PRKD1: variants seen among roughly 807,000 people sequenced by gnomAD.
The protein encoded by PRKD1 is serine/threonine-protein kinase D1.
Under a neutral mutation model 95.9 loss-of-function variants are expected in PRKD1, and 63 were observed. That is an observed-to-expected ratio of 0.66 (90% CI 0.54 to 0.81). The LOEUF (loss-of-function observed/expected upper bound fraction) is 0.81. PRKD1 is among the 30% of genes least tolerant of loss of function. The pLI, the probability that PRKD1 is intolerant of heterozygous loss-of-function variation, is 0.00. For missense variants in PRKD1, 1,048 were observed against 1,165.3 expected, an observed-to-expected ratio of 0.90 and a Z score of 1.47; for synonymous variants, 425 against 423.1, an observed-to-expected ratio of 1.00 and a Z score of -0.05.
chr14:29,639,258 G>T (rs1045965829), intron 4 of PRKD1, among the ~76,000 whole-genome samples: 9 of 152,092 alleles, frequency 5.9e-5, no homozygotes, highest in Admixed American at 3.9e-4. Context: ...TTTTTTACAG[G>T]ATTACATTCA....
At chr14:29,704,686 C>T (rs1884993624) in intron 2 of PRKD1, among the ~76,000 whole-genome samples, 1 of 152,002 alleles carries the variant, frequency 6.6e-6, no homozygotes, top group South Asian at 2.1e-4. Flanking sequence ...AACTGGTTTT[C>T]TTTGTTTTGT....
chr14:29,801,471 T>C (rs1302222425), intron 1 of PRKD1, among the ~76,000 whole-genome samples: 1 of 152,170 alleles, frequency 6.6e-6, no homozygotes, highest in East Asian at 1.9e-4. Context: ...AAAGAACCAC[T>C]TGAGGCAATC....
intron 1 of PRKD1, among the ~76,000 whole-genome samples, chr14:29,906,290 G>A (rs922090055): frequency 3.3e-5 from 5 of 152,198 alleles, no homozygotes; most frequent in African/African-American, 4.8e-5. Context: ...TGCAACCCCA[G>A]CACTTTGGGA....
chr14:29,869,976 T>C (rs1224110737), intron 1 of PRKD1, among the ~76,000 whole-genome samples: 1 of 152,204 alleles, frequency 6.6e-6, no homozygotes, highest in Non-Finnish European at 1.5e-5. Flanking sequence ...CCTTTCCTCA[T>C]TCTTAATGAT....
intron 4 of PRKD1, among the ~76,000 whole-genome samples, chr14:29,650,032 C>T (rs1295242847): frequency 5.3e-5 from 8 of 152,138 alleles, no homozygotes; most frequent in African/African-American, 1.9e-4. Flanking sequence ...GCTCCCTTTC[C>T]TGGTTGGGGT....
chr14:29,775,529 C>A (rs1454410506), intron 1 of PRKD1, among the ~76,000 whole-genome samples: 1 of 152,178 alleles, frequency 6.6e-6, no homozygotes, highest in East Asian at 1.9e-4. Flanking sequence ...GTCCCCCACC[C>A]ACGGACCCTC....
intron 4 of PRKD1, chr14:29,656,542 A>G: frequency 6.6e-7 from 1 of 1,524,528 alleles, no homozygotes; most frequent in South Asian, 1.2e-5. Flanking sequence ...GCAAAGGTGC[A>G]GAATCAAAGG....
chr14:29,669,851 G>C (rs532675779), intron 2 of PRKD1, among the ~76,000 whole-genome samples: 8 of 152,286 alleles, frequency 5.3e-5, no homozygotes, highest in Non-Finnish European at 1.0e-4. Flanking sequence ...CTGGACAACA[G>C]AGTGAGACTG....
intron 1 of PRKD1, among the ~76,000 whole-genome samples, chr14:29,824,427 C>A (rs1891034017): frequency 6.6e-6 from 1 of 152,078 alleles, no homozygotes; most frequent in Admixed American, 6.6e-5. Context: ...CTTGGAAACC[C>A]CAACCACCAC....
intron 1 of PRKD1, among the ~76,000 whole-genome samples, chr14:29,842,338 C>T (rs1891886511): frequency 6.6e-6 from 1 of 152,214 alleles, no homozygotes; most frequent in Admixed American, 6.5e-5. Context: ...TTTTAAACAA[C>T]TGGCAGTCAA....
intron 1 of PRKD1, among the ~76,000 whole-genome samples, chr14:29,745,654 T>C (rs1038880989): frequency 6.6e-6 from 1 of 152,034 alleles, no homozygotes; most frequent in African/African-American, 2.4e-5. Context: ...ATTATTATTA[T>C]TGTAGAGACA....
At chr14:29,702,564 T>A (rs1014353697) in intron 2 of PRKD1, among the ~76,000 whole-genome samples, 1 of 152,050 alleles carries the variant, frequency 6.6e-6, no homozygotes, top group African/African-American at 2.4e-5. Context: ...TTTTCTTTTT[T>A]AATCTATTAA....
chr14:29,885,861 G>A (rs993214590), intron 1 of PRKD1, among the ~76,000 whole-genome samples: 34 of 149,246 alleles, frequency 2.3e-4, no homozygotes, highest in Non-Finnish European at 4.4e-4. Flanking sequence ...CACCTACTCA[G>A]GAAGCTGAGG....
At chr14:29,624,711 CTCTT>C (rs1303746880) in intron 12 of PRKD1, among the ~76,000 whole-genome samples, 1 of 152,084 alleles carries the variant, frequency 6.6e-6, no homozygotes, top group Non-Finnish European at 1.5e-5. Context: ...AAATCACTCA[CTCTT>C]TCTGAATTTT....
At chr14:29,795,760 T>C (rs773278852) in intron 1 of PRKD1, among the ~76,000 whole-genome samples, 1 of 152,160 alleles carries the variant, frequency 6.6e-6, no homozygotes, top group Non-Finnish European at 1.5e-5. Context: ...ATGCTCATCA[T>C]TACAAATTTT....
In PRKD1 at chr14:29,597,004, C is replaced by T. The variant is rs557341562; in HGVS notation, c.2434+487G>A. Among the ~76,000 whole-genome samples, 360 of 152,010 alleles carry T rather than the reference C, an allele frequency of 2.4e-3. 1 individual carries two copies. Among genetic ancestry groups the T allele is most frequent in the Non-Finnish European group, 2.9e-3 (196 of 67,952 alleles). On this transcript the variant is annotated intron_variant, in intron 16 of 17. Transcript: ENST00000331968. The stretch of plus-strand genomic sequence containing the variant: ...CTAATACTAAACATAGAGAAATAAC[C>T]TAAAAATTCCAGGGGAATGGCCAAG...
intron 1 of PRKD1, among the ~76,000 whole-genome samples, chr14:29,876,424 G>T (rs570940016): frequency 6.6e-6 from 1 of 152,212 alleles, no homozygotes; most frequent in South Asian, 2.1e-4. Context: ...TCCTGATTTT[G>T]GTGGTAGATA....
chr14:29,626,345 C>G, intron 12 of PRKD1, 139 bp downstream of exon 12: 1 of 703,342 alleles, frequency 1.4e-6, no homozygotes, highest in Non-Finnish European at 2.3e-6. Context: ...ATTTTTTAAA[C>G]GCAGAACACA....
rs766230414 is a variant in PRKD1 at position 29,769,243 on chromosome 14, ACT to A, written c.265-43571_265-43570del. On this transcript the variant is annotated intron_variant, in intron 1 of 17. Transcript: ENST00000331968. ...AGAGTAACTCCTCCATATGTAACACACTCTCTCTCTCTCTTTTCTTTTTTAAA... is the reference window on the plus strand; with the variant it reads ...AGAGTAACTCCTCCATATGTAACACACTCTCTCTCTCTTTTCTTTTTTAAA... Among the ~76,000 whole-genome samples the A allele has an allele frequency of 7.5e-4, 113 of 151,202 alleles. 1 individual carries two copies. The highest frequency in any genetic ancestry group is 2.5e-3 in the African/African-American group (101 of 41,204).
Sources: gnomAD v4.1 joint callset for allele counts (sites outside exome capture counted in the v4.1 genomes callset) on GRCh38, gnomAD v4.1.1 for gene constraint, MANE v1.5 for transcripts, NCBI Gene and HGNC (gene_info 2026-07-23, HGNC 2026-07-21) for gene names.